The following PNPT1 variants were observed in gnomAD, a reference collection of about 807,000 sequenced individuals.
PNPT1 encodes the protein polyribonucleotide nucleotidyltransferase 1.
A neutral mutation model predicts 119.5 loss-of-function variants in PNPT1; 53 were observed. That is an observed-to-expected ratio of 0.44 (90% confidence interval 0.36 to 0.56). The LOEUF is 0.56. PNPT1 is among the 20% of genes least tolerant of loss of function. The probability of loss-of-function intolerance (pLI) is 0.00; values close to 1 mark genes in which losing one functional copy is unlikely to be tolerated. For synonymous variants in PNPT1, 357 were observed against 322.1 expected, an observed-to-expected ratio of 1.11 and a Z score of -1.16; for missense variants, 948 against 938.5, an observed-to-expected ratio of 1.01 and a Z score of -0.13.
chr2:55,638,845 G>A (rs561872871), intron 26 of PNPT1, among the ~76,000 whole-genome samples: 21 of 151,050 alleles, frequency 1.4e-4, no homozygotes, highest in African/African-American at 5.1e-4. Context: ...CATGATATCC[G>A]CTCACTGCAA....
chr2:55,671,493 T>C, intron 10 of PNPT1, 117 bp from the exon 11 acceptor site: 2 of 567,240 alleles, frequency 3.5e-6, no homozygotes, highest in Non-Finnish European at 5.8e-6. Context: ...TAATATTCTT[T>C]AAAATATTGG....
intron 13 of PNPT1, among the ~76,000 whole-genome samples, 165 bp from the exon 14 acceptor site, chr2:55,662,191 T>C (rs1696600286): frequency 6.6e-6 from 1 of 152,364 alleles, no homozygotes; most frequent in South Asian, 2.1e-4. Flanking sequence ...ATTCTATAAA[T>C]ATTCATACTA....
In PNPT1 at chr2:55,636,343, C is replaced by T. The variant is rs1465912358; in HGVS notation, c.2246G>A (p.Arg749Gln). ...TGTAGCTGGCGACTGAAGCACTTTT[C>T]GAGAAAGCCTCATTCTTCCATCGGC... ...DPADGRMRLSRKVLQSPATTV... is the reference protein window; with the variant it reads ...DPADGRMRLSQKVLQSPATTV... Residue 749 changes from arginine to glutamine, a missense_variant, in exon 28 of 28, where the codon CGA becomes CAA. By Grantham distance (43) the Arg-to-Gln change is conservative. Transcript: ENST00000447944. 5 of 1,613,960 alleles carry T rather than the reference C, an allele frequency of 3.1e-6. No homozygotes were observed. The highest frequency in any genetic ancestry group is 3.4e-6 in the Non-Finnish European group (4 of 1,180,012).
intron 3 of PNPT1, 27 bp from the exon 4 acceptor site, chr2:55,685,075 T>C (rs748452480): frequency 5.9e-6 from 9 of 1,529,944 alleles, no homozygotes; most frequent in Non-Finnish European, 7.1e-6. Context: ...AAAAAGTTCA[T>C]ATAATTCTTT....
chr2:55,668,080 G>GTT, intron 11 of PNPT1, 122 bp from the exon 12 acceptor site: 2 of 821,706 alleles, frequency 2.4e-6, no homozygotes, highest in Non-Finnish European at 3.8e-6. Context: ...GACTCTGAAC[G>GTT]TTTAGTCCTC....
chr2:55,673,154 A>C, intron 8 of PNPT1, 75 bp from the exon 9 acceptor site: 2 of 1,144,410 alleles, frequency 1.7e-6, no homozygotes, highest in Non-Finnish European at 2.4e-6. Flanking sequence ...AAATACCATG[A>C]CATGACATAA....
chr2:55,646,221 G>A (rs1695998513), intron 21 of PNPT1, 38 bp downstream of exon 21: 4 of 1,559,434 alleles, frequency 2.6e-6, no homozygotes, highest in Non-Finnish European at 3.5e-6. Context: ...TTAGCAAAGT[G>A]GAAAAGAATG....
intron 5 of PNPT1, among the ~76,000 whole-genome samples, chr2:55,681,267 T>C (rs1434673455): frequency 1.3e-5 from 2 of 151,678 alleles, no homozygotes; most frequent in African/African-American, 2.4e-5. Context: ...ATTAGCCGGG[T>C]GTAGTGGCCG....
Position 55,647,419 on chromosome 2 carries a change from T to C in PNPT1, c.1530A>G (p.Ala510=). 6.2e-7 allele frequency: 1 copy of C among 1,609,308 alleles called. No individual in the cohort carries two copies. The highest frequency in any genetic ancestry group is 1.7e-4 in the Middle Eastern group (1 of 6,038). The change falls in exon 19 of 28, where the codon GCA becomes GCG. Residue 510 remains alanine, a synonymous_variant. Coordinates refer to ENST00000447944, the MANE Select transcript of PNPT1 (RefSeq NM_033109.5). ...VPISSAVAGV[A]IGLVTKTDPE... ...GATCGGTTTTGGTGACCAATCCTATTGCTACGCCTGCAACAGCAGATGAAA... is the reference window on the plus strand; with the variant it reads ...GATCGGTTTTGGTGACCAATCCTATCGCTACGCCTGCAACAGCAGATGAAA...
chr2:55,651,684 C>A (rs1468231961), intron 18 of PNPT1, among the ~76,000 whole-genome samples: 1 of 149,874 alleles, frequency 6.7e-6, no homozygotes, highest in Non-Finnish European at 1.5e-5. Context: ...GACCTTTGTT[C>A]ACTTGTTTAT....
At chr2:55,638,293 C>T (rs1488107959) in intron 26 of PNPT1, among the ~76,000 whole-genome samples, 3 of 122,902 alleles carry the variant, frequency 2.4e-5, no homozygotes, top group Admixed American at 9.1e-5. Flanking sequence ...CAGAGTCAGA[C>T]TCTGTCTCAG....
intron 22 of PNPT1, 32 bp from the exon 23 acceptor site, chr2:55,644,752 A>G: frequency 6.7e-7 from 1 of 1,497,072 alleles, no homozygotes; most frequent in Non-Finnish European, 9.2e-7. Context: ...TATATAAACA[A>G]TTCAACTACA....
At chr2:55,656,393 A>G (rs748489796) in intron 15 of PNPT1, 22 bp from the exon 16 acceptor site, 5 of 1,550,778 alleles carry the variant, frequency 3.2e-6, no homozygotes, top group Non-Finnish European at 3.5e-6. Context: ...AAAAACACAA[A>G]CACACATATA....
chr2:55,657,728 C>T (rs770913619), intron 15 of PNPT1, among the ~76,000 whole-genome samples: 18 of 151,356 alleles, frequency 1.2e-4, no homozygotes, highest in Admixed American at 6.6e-4. Context: ...CTGGATCTAG[C>T]GGTCAATTTG....
chr2:55,644,036 T>C (rs1695916189), intron 23 of PNPT1, among the ~76,000 whole-genome samples: 1 of 152,226 alleles, frequency 6.6e-6, no homozygotes, highest in Non-Finnish European at 1.5e-5. Flanking sequence ...TTCTGCTCTC[T>C]TAATTACGAG....
intron 5 of PNPT1, 147 bp downstream of exon 5, chr2:55,683,638 T>G (rs1347352178): frequency 3.1e-6 from 2 of 640,972 alleles, no homozygotes; most frequent in Non-Finnish European, 5.0e-6. Flanking sequence ...AAAAGTACTA[T>G]CTTTTTTCAA....
At chr2:55,693,469 A>T (rs1351453707) in intron 1 of PNPT1, among the ~76,000 whole-genome samples, 194 bp downstream of exon 1, 1 of 152,174 alleles carries the variant, frequency 6.6e-6, no homozygotes, top group African/African-American at 2.4e-5. Context: ...AACAGAGAGA[A>T]CGACATAGCG....
At chr2:55,679,134 T>G (rs967219056) in intron 8 of PNPT1, among the ~76,000 whole-genome samples, 3 of 152,194 alleles carry the variant, frequency 2.0e-5, no homozygotes, top group African/African-American at 7.2e-5. Flanking sequence ...TTTTCGTTCA[T>G]GCAAGTATGA....
In PNPT1 at chr2:55,693,775, T is replaced by C. The variant is rs1358446950; in HGVS notation, c.49A>G (p.Ser17Gly). 6.2e-7 allele frequency: 1 copy of C among 1,614,048 alleles called. No individual in the cohort carries two copies. Among genetic ancestry groups the C allele is most frequent in the Admixed American group, 1.7e-5 (1 of 60,022 alleles). ...CGTGGCAGAAGGAAAGGACCATCGC[T>C]CAGGGGCCGGAGCCGGAGGCACGAG... ...CCSCLRLRPL[S>G]DGPFLLPRRD... Residue 17 changes from serine (S) to glycine (G), a missense_variant, in exon 1 of 28, where the codon AGC becomes GGC. By Grantham distance (56) the Ser-to-Gly change is moderately conservative. Transcript: ENST00000447944.
Sources: gnomAD v4.1 joint callset for allele counts (sites outside exome capture counted in the v4.1 genomes callset) on GRCh38, gnomAD v4.1.1 for gene constraint, MANE v1.5 for transcripts, NCBI Gene and HGNC (gene_info 2026-07-23, HGNC 2026-07-21) for gene names.